The following SEMA6D variants were observed in gnomAD, a reference collection of about 807,000 sequenced individuals.
SEMA6D encodes semaphorin 6D, also known as semaphorin-6D.
Under a neutral mutation model 106.6 loss-of-function variants are expected in SEMA6D, and 35 were observed. That is an observed-to-expected ratio of 0.33 (90% CI 0.25 to 0.44). The LOEUF is 0.44. Ranked by LOEUF, SEMA6D falls within the 20% of genes least tolerant of loss-of-function variation. The pLI, the probability that SEMA6D is intolerant of heterozygous loss-of-function variation, is 1.00. For missense variants in SEMA6D, 1,185 were observed against 1,345.9 expected (o/e 0.88, Z 1.87); for synonymous variants, 499 against 487.7 (o/e 1.02, Z -0.31).
intron 2 of SEMA6D, among the ~76,000 whole-genome samples, chr15:47,419,783 G>T (rs1042202894): frequency 6.6e-6 from 1 of 152,124 alleles, no homozygotes; most frequent in Non-Finnish European, 1.5e-5. Context: ...AGTCCCAGAG[G>T]ATTCAGTGAA....
At chr15:47,474,677 G>A (rs932482074) in intron 3 of SEMA6D, among the ~76,000 whole-genome samples, 12 of 152,144 alleles carry the variant, frequency 7.9e-5, no homozygotes, top group Admixed American at 2.6e-4. Flanking sequence ...CTAAGTCTTC[G>A]TTATATTTGT....
chr15:47,302,240 C>T (rs1256839512), intron 1 of SEMA6D, among the ~76,000 whole-genome samples: 2 of 152,114 alleles, frequency 1.3e-5, no homozygotes, highest in Admixed American at 6.6e-5. Flanking sequence ...ATCCTATAGT[C>T]GTTTGCTGCC....
chr15:47,374,086 A>G lies in SEMA6D; in HGVS notation c.-238-38307A>G, dbSNP rs575138482. Among the ~76,000 whole-genome samples, 3 of 152,328 alleles carry G rather than the reference A, an allele frequency of 2.0e-5. No homozygotes were observed. In the South Asian group the frequency reaches 6.2e-4, roughly 32 times the overall value. On this transcript the variant is annotated intron_variant, in intron 1 of 19. Coordinates refer to the SEMA6D transcript ENST00000558014. ...GGGCAAAGAATGCTGAATACTAGCA[A>G]ATAAAAAGGATAACATTCGCTGGAG...
intron 1 of SEMA6D, among the ~76,000 whole-genome samples, chr15:47,235,032 T>C (rs1248249858): frequency 1.3e-5 from 2 of 152,104 alleles, no homozygotes; most frequent in Non-Finnish European, 2.9e-5. Context: ...TTTTTAATAA[T>C]GGCCATTCTG....
At chr15:47,735,459 A>G (rs930585412) in intron 1 of SEMA6D, among the ~76,000 whole-genome samples, 2 of 152,208 alleles carry the variant, frequency 1.3e-5, no homozygotes, top group Non-Finnish European at 2.9e-5. Context: ...CAAAGTCTGT[A>G]TTAAAAGTTA....
chr15:47,219,942 G>T (rs555372867), intron 1 of SEMA6D, among the ~76,000 whole-genome samples: 1 of 152,282 alleles, frequency 6.6e-6, no homozygotes, highest in African/African-American at 2.4e-5. Flanking sequence ...TGGGATAAAT[G>T]GTGTGGTTTG....
intron 3 of SEMA6D, among the ~76,000 whole-genome samples, chr15:47,597,535 T>C (rs1441214688): frequency 6.6e-6 from 1 of 151,996 alleles, no homozygotes; most frequent in Middle Eastern, 3.2e-3. Flanking sequence ...CTATACAGCC[T>C]TAATAATGAA....
intron 1 of SEMA6D, among the ~76,000 whole-genome samples, chr15:47,354,118 T>G (rs1253135459): frequency 6.7e-6 from 1 of 149,112 alleles, no homozygotes; most frequent in Non-Finnish European, 1.5e-5. Context: ...ATATATGGAA[T>G]GAGAGAGTGT....
intron 3 of SEMA6D, among the ~76,000 whole-genome samples, chr15:47,483,003 T>G (rs1310411824): frequency 6.6e-6 from 1 of 152,136 alleles, no homozygotes; most frequent in Non-Finnish European, 1.5e-5. Context: ...GTGCGTGAAT[T>G]CTAACAATGG....
intron 3 of SEMA6D, among the ~76,000 whole-genome samples, chr15:47,598,863 T>G (rs1197542706): frequency 6.6e-6 from 1 of 152,050 alleles, no homozygotes; most frequent in Non-Finnish European, 1.5e-5. Flanking sequence ...ATATATTATA[T>G]ACTAGTTTTC....
At chr15:47,451,055 A>G (rs1316900056) in intron 2 of SEMA6D, among the ~76,000 whole-genome samples, 1 of 152,124 alleles carries the variant, frequency 6.6e-6, no homozygotes, top group Non-Finnish European at 1.5e-5. Context: ...AAAACAAAAA[A>G]TCAACAACCC....
chr15:47,770,689 A>G lies in SEMA6D; in HGVS notation c.2126A>G (p.Asp709Gly). 1 of 1,613,960 alleles carries G rather than the reference A, an allele frequency of 6.2e-7. No individual in the cohort carries two copies. The highest frequency in any genetic ancestry group is 8.5e-7 in the Non-Finnish European group (1 of 1,179,938). ...GCAGAGTCCGCCCAGTCATGCACAGACTCCAGTGGAAGTTTTGCCAAACTG... is the reference window on the plus strand; with the variant it reads ...GCAGAGTCCGCCCAGTCATGCACAGGCTCCAGTGGAAGTTTTGCCAAACTG... The part of the protein sequence containing the change: ...KDAESAQSCT[D>G]SSGSFAKLNG... The change falls in exon 19 of 19, where the codon GAC (aspartate) becomes GGC (glycine). Residue 709 changes from aspartate (D) to glycine (G), a missense_variant. By Grantham distance (94) the Asp-to-Gly change is moderately conservative. Transcript: ENST00000536845.
chr15:47,670,187 C>G (rs929034294), intron 4 of SEMA6D, among the ~76,000 whole-genome samples: 1 of 152,222 alleles, frequency 6.6e-6, no homozygotes, highest in African/African-American at 2.4e-5. Flanking sequence ...TCTATGCTCC[C>G]TTAACTTCCC....
intron 3 of SEMA6D, among the ~76,000 whole-genome samples, chr15:47,577,497 A>G (rs527248765): frequency 2.0e-5 from 3 of 152,356 alleles, no homozygotes; most frequent in South Asian, 2.1e-4. Flanking sequence ...TATGGTGTTC[A>G]AGATGTGTTT....
intron 1 of SEMA6D, among the ~76,000 whole-genome samples, chr15:47,242,713 T>C (rs368173468): frequency 1.3e-5 from 2 of 152,188 alleles, no homozygotes; most frequent in African/African-American, 2.4e-5. Context: ...ATTGGAAATA[T>C]ATTTCTTTTT....
chr15:47,417,985 G>A (rs1325519605), intron 2 of SEMA6D, among the ~76,000 whole-genome samples: 1 of 151,686 alleles, frequency 6.6e-6, no homozygotes, highest in African/African-American at 2.4e-5. Flanking sequence ...AACGATGCAT[G>A]GATAAATATA....
rs572970595 is a variant in SEMA6D, at chr15:47,227,870, A to G, written c.-239+43452A>G. On this transcript the variant is annotated intron_variant, in intron 1 of 19. Coordinates refer to the SEMA6D transcript ENST00000558014. ...TGAGTCCATACATTATATATTTTAT[A>G]TATATAAGAATCATATATATTTTAT... is the stretch of plus-strand genomic sequence containing the variant. Among the ~76,000 whole-genome samples, 5 of 145,488 alleles carry G rather than the reference A, an allele frequency of 3.4e-5. No homozygotes were observed. The East Asian group carries it at 8.0e-4, about 23-fold the overall frequency.
At chr15:47,359,224 T>A (rs986159218) in intron 1 of SEMA6D, among the ~76,000 whole-genome samples, 2 of 152,226 alleles carry the variant, frequency 1.3e-5, no homozygotes, top group African/African-American at 4.8e-5. Context: ...CATGTGTACA[T>A]ATTTATACAT....
At chr15:47,639,897 A>C (rs527824768) in intron 4 of SEMA6D, among the ~76,000 whole-genome samples, 2 of 152,302 alleles carry the variant, frequency 1.3e-5, no homozygotes, top group South Asian at 4.1e-4. Flanking sequence ...AAGAGGCATG[A>C]TTTATACATT....
Sources: gnomAD v4.1 joint callset for allele counts (sites outside exome capture counted in the v4.1 genomes callset) on GRCh38, gnomAD v4.1.1 for gene constraint, MANE v1.5 for transcripts, NCBI Gene and HGNC (gene_info 2026-07-23, HGNC 2026-07-21) for gene names.